Variants in KDM6A observed in about 807,000 individuals in gnomAD.
KDM6A encodes lysine-specific demethylase 6A.
In KDM6A, 11 loss-of-function variants were observed where a neutral mutation model predicts 117.6. That is an observed-to-expected ratio of 0.09 (90% CI 0.06 to 0.15). The LOEUF is 0.15. Among genes scored for constraint, KDM6A ranks in the 10% least tolerant of loss-of-function variants. The pLI, the probability that KDM6A is intolerant of heterozygous loss-of-function variation, is 1.00. For missense variants in KDM6A, 799 were observed against 1,077.3 expected (o/e 0.74, Z 3.62); for synonymous variants, 384 against 396.1 (o/e 0.97, Z 0.36).
chrX:44,960,864 C>T (rs771303823), intron 2 of KDM6A, among the ~76,000 whole-genome samples: 2 of 111,406 alleles, frequency 1.8e-5, no homozygotes, highest in Non-Finnish European at 3.8e-5. Context: ...TTTTATTACT[C>T]TAGAGATTCT....
intron 3 of KDM6A, among the ~76,000 whole-genome samples, chrX:44,963,023 C>G (rs1030281733): frequency 4.5e-5 from 5 of 112,068 alleles, no homozygotes; most frequent in African/African-American, 1.6e-4. Flanking sequence ...GCATTTTACT[C>G]ACAGTAGAGC....
chrX:45,064,689 A>G (rs1210011925), intron 17 of KDM6A, among the ~76,000 whole-genome samples: 1 of 112,115 alleles, frequency 8.9e-6, no homozygotes, highest in Non-Finnish European at 1.9e-5. Context: ...AATTGCTTGT[A>G]CTTTTATTAA....
chrX:45,001,901 C>A (rs2041160653), intron 4 of KDM6A, among the ~76,000 whole-genome samples: 1 of 110,828 alleles, frequency 9.0e-6, no homozygotes, highest in Non-Finnish European at 1.9e-5. Flanking sequence ...TTCCTTCTTT[C>A]CACCCTTTGA....
chrX:45,094,749 CT>C (rs767011033), intron 27 of KDM6A, among the ~76,000 whole-genome samples: 1 of 111,845 alleles, frequency 8.9e-6, no homozygotes, highest in African/African-American at 3.3e-5. Flanking sequence ...CTATACCTCT[CT>C]TTTTTGCCCT....
chrX:44,886,048 A>G (rs1398119130), intron 2 of KDM6A, among the ~76,000 whole-genome samples: 3 of 110,808 alleles, frequency 2.7e-5, no homozygotes, highest in South Asian at 3.7e-4. Flanking sequence ...ACCTCTTGCT[A>G]TATGAAAATA....
chrX:44,914,314 T>C (rs1245487530), intron 2 of KDM6A, among the ~76,000 whole-genome samples: 1 of 111,952 alleles, frequency 8.9e-6, no homozygotes, highest in African/African-American at 3.3e-5. Flanking sequence ...TAGGTTTCTG[T>C]GAATTAAATG....
rs746671351 is a variant in KDM6A at position 45,054,017 on chromosome X, A to T, written c.875+62A>T. ...ATTCCAGCTAAGAGATTTGAATTAC[A>T]ATTTAAAATGTTAGTTTACATATGT... is the stretch of plus-strand genomic sequence containing the variant. On this transcript the variant is annotated intron_variant, in intron 10 of 29. Coordinates refer to ENST00000611820, the MANE Select transcript of KDM6A (RefSeq NM_001291415.2). 62 of 1,090,070 alleles carry T rather than the reference A, an allele frequency of 5.7e-5. No individual in the cohort carries two copies. The African/African-American group carries it at 9.8e-4, about 17-fold the overall frequency. 89.8% of individuals were successfully genotyped at this position (1,090,070 alleles called of 1,213,427 possible). A position where few individuals can be genotyped will look rare whatever the true frequency, so the allele number is the denominator to read the frequency against.
chrX:45,013,148 T>G (rs1174721176), intron 5 of KDM6A, among the ~76,000 whole-genome samples: 1 of 111,691 alleles, frequency 9.0e-6, no homozygotes, highest in Admixed American at 9.5e-5. Context: ...TGTGTGTGTG[T>G]GTTAGTCAGT....
intron 8 of KDM6A, among the ~76,000 whole-genome samples, chrX:45,047,461 A>G (rs1449087453): frequency 9.7e-6 from 1 of 103,369 alleles, no homozygotes; most frequent in East Asian, 3.0e-4. Context: ...TTGTTTTCAA[A>G]TGCATTGATT....
intron 4 of KDM6A, among the ~76,000 whole-genome samples, chrX:44,992,048 T>G (rs910310752): frequency 2.7e-5 from 3 of 110,063 alleles, no homozygotes; most frequent in African/African-American, 9.9e-5. Context: ...CCTCCATATA[T>G]ATGTATATTC....
In KDM6A at chrX:45,069,887, C is replaced by A. The variant is rs35467614; in HGVS notation, c.2388C>A (p.Val796=). The part of the protein sequence containing the change: ...TGETPNSTAS[V]EGLPNHVHQM... ...AGACACCTAACAGCACTGCCAGTGTCGAGGGACTTCCTAATCATGTCCATC... is the reference window on the plus strand; with the variant it reads ...AGACACCTAACAGCACTGCCAGTGTAGAGGGACTTCCTAATCATGTCCATC... Residue 796 remains valine (V), a synonymous_variant, in exon 18 of 30, where the codon GTC becomes GTA. Coordinates refer to ENST00000611820, the MANE Select transcript of KDM6A (RefSeq NM_001291415.2). 4.1e-6 allele frequency: 5 copies of A among 1,209,203 alleles called. No homozygotes were observed. Among genetic ancestry groups the A allele is most frequent in the Non-Finnish European group, 5.6e-6 (5 of 894,493 alleles).
At chrX:44,911,399 C>G (rs1431300108) in intron 2 of KDM6A, among the ~76,000 whole-genome samples, 1 of 106,647 alleles carries the variant, frequency 9.4e-6, no homozygotes, top group Non-Finnish European at 1.9e-5. Context: ...GGGTCGCGGC[C>G]GGGCAGAGGC....
At chrX:45,073,100 GCTA>G (rs1366625642) in intron 18 of KDM6A, among the ~76,000 whole-genome samples, 152 of 109,932 alleles carry the variant, frequency 1.4e-3, no homozygotes, top group African/African-American at 4.9e-3. Context: ...TCAGTTCCTA[GCTA>G]TGAGTGAGAA....
chrX:45,058,321 C>G (rs2044165671), intron 10 of KDM6A, among the ~76,000 whole-genome samples: 1 of 109,517 alleles, frequency 9.1e-6, no homozygotes, highest in South Asian at 3.8e-4. Context: ...TTTATAATTT[C>G]AACTGTTATC....
intron 5 of KDM6A, among the ~76,000 whole-genome samples, chrX:45,013,608 A>T (rs2041853024): frequency 8.9e-6 from 1 of 111,931 alleles, no homozygotes; most frequent in Non-Finnish European, 1.9e-5. Flanking sequence ...AGGACAATGC[A>T]ATGTCTACAT....
chrX:45,072,662 CTG>C (rs2044905925), intron 18 of KDM6A, among the ~76,000 whole-genome samples: 1 of 108,844 alleles, frequency 9.2e-6, no homozygotes, highest in Admixed American at 1.0e-4. Context: ...CATCCACTCT[CTG>C]TAGACTCAGG....
chrX:44,909,231 A>G (rs989677486), intron 2 of KDM6A, among the ~76,000 whole-genome samples: 2 of 112,159 alleles, frequency 1.8e-5, no homozygotes, highest in Non-Finnish European at 3.8e-5. Flanking sequence ...CATTTGCTCA[A>G]CAACACATTT....
At position 44,993,645 on chromosome X, in the gene KDM6A, A is replaced by G. The variant is rs968408632; in HGVS notation, c.385-17316A>G. On this transcript the variant is annotated intron_variant, in intron 4 of 29. Transcript: ENST00000611820. ...TGTCTTTTAAAAGCTCTCCTCGCGG[A>G]TCACGAGGTCAAGAGATCGAGACCA... Among the ~76,000 whole-genome samples, 278 of 111,534 alleles carry G rather than the reference A, an allele frequency of 2.5e-3. 2 individuals carry two copies. The highest frequency in any genetic ancestry group is 9.0e-3 in the African/African-American group (276 of 30,700).
At chrX:45,102,079 G>C (rs1410823510) in intron 27 of KDM6A, among the ~76,000 whole-genome samples, 4 of 111,438 alleles carry the variant, frequency 3.6e-5, no homozygotes, top group Non-Finnish European at 5.7e-5. Flanking sequence ...ACAGTGATTC[G>C]TGAAGTTGAT....
Sources: allele counts gnomAD v4.1 joint callset (sites outside exome capture counted in the v4.1 genomes callset), GRCh38; gene constraint gnomAD v4.1.1; transcripts MANE v1.5; gene names NCBI Gene and HGNC (gene_info 2026-07-23, HGNC 2026-07-21).